Variants in MATN2 observed in about 807,000 individuals in gnomAD.
MATN2 encodes matrilin 2, also known as matrilin-2.
In MATN2, 69 loss-of-function variants were observed where a neutral mutation model predicts 103.2. The observed-to-expected ratio is 0.67, with a 90% CI of 0.55 to 0.82. The LOEUF (loss-of-function observed/expected upper bound fraction) is 0.82. MATN2 is among the 40% of genes least tolerant of loss of function. The pLI, the probability that MATN2 is intolerant of heterozygous loss-of-function variation, is 0.00. For missense variants in MATN2, 1,023 were observed against 1,211.5 expected (o/e 0.84, Z 2.31); for synonymous variants, 429 against 450.2 (o/e 0.95, Z 0.60).
chr8:97,871,534 G>A (rs901377017), intron 1 of MATN2, among the ~76,000 whole-genome samples: 1 of 152,340 alleles, frequency 6.6e-6, no homozygotes, highest in East Asian at 1.9e-4. Flanking sequence ...GTCCCTTCCA[G>A]GGATTCCCCG....
In MATN2 at chr8:97,939,888, A is replaced by G. The variant is rs1053044730; in HGVS notation, c.713-1889A>G. ...AGATTCCATGAAATACAGTACATGT[A>G]TCAACATTGATAGAATCTGTGATTA... On this transcript the variant is annotated intron_variant, in intron 3 of 18. Coordinates refer to ENST00000254898, the MANE Select transcript of MATN2 (RefSeq NM_002380.5). 2.0e-5 allele frequency among the ~76,000 whole-genome samples: 3 copies of G among 152,346 alleles called. No homozygotes were observed. The East Asian group carries it at 5.8e-4, about 29-fold the overall frequency.
At chr8:97,886,904 CT>C (rs1225564343) in intron 1 of MATN2, among the ~76,000 whole-genome samples, 426 of 143,506 alleles carry the variant, frequency 3.0e-3, no homozygotes, top group Non-Finnish European at 3.1e-3. Context: ...TTTGTTTTAC[CT>C]TTTTTTTTTT....
At chr8:98,028,072 C>T (rs576192030) in intron 14 of MATN2, among the ~76,000 whole-genome samples, 1 of 152,268 alleles carries the variant, frequency 6.6e-6, no homozygotes, top group East Asian at 1.9e-4. Context: ...TGACCACAGG[C>T]GGGTATCCTC....
chr8:97,898,911 G>C (rs1818899344), intron 2 of MATN2, among the ~76,000 whole-genome samples: 1 of 102,688 alleles, frequency 9.7e-6, no homozygotes, highest in African/African-American at 2.9e-5. Flanking sequence ...ACCATATCCA[G>C]CAATTTTTTT....
intron 2 of MATN2, among the ~76,000 whole-genome samples, chr8:97,928,386 C>G (rs1055471781): frequency 6.6e-6 from 1 of 152,064 alleles, no homozygotes; most frequent in African/African-American, 2.4e-5. Flanking sequence ...GCCACCATGC[C>G]TGACTAATTT....
At chr8:97,941,512 T>C (rs899314093) in intron 3 of MATN2, among the ~76,000 whole-genome samples, 7 of 152,012 alleles carry the variant, frequency 4.6e-5, no homozygotes, top group African/African-American at 1.4e-4. Context: ...AATTTCTTGC[T>C]TTTTTTTGTA....
intron 1 of MATN2, among the ~76,000 whole-genome samples, chr8:97,878,360 C>T (rs1030095604): frequency 2.0e-5 from 3 of 151,940 alleles, no homozygotes; most frequent in African/African-American, 7.3e-5. Context: ...CCCAGGAGCT[C>T]ACGGCCAGCT....
At chr8:97,965,650 A>C (rs1811454707) in intron 5 of MATN2, among the ~76,000 whole-genome samples, 1 of 151,774 alleles carries the variant, frequency 6.6e-6, no homozygotes, top group Admixed American at 6.6e-5. Context: ...CCTGGGCAAC[A>C]TAGTGAGACC....
At chr8:98,031,057 C>A (rs1311978064) in intron 15 of MATN2, among the ~76,000 whole-genome samples, 1 of 152,172 alleles carries the variant, frequency 6.6e-6, no homozygotes. Flanking sequence ...AAAAGAAGGG[C>A]TGGGCACCAT....
chr8:97,923,475 A>G (rs1809880738), intron 2 of MATN2, among the ~76,000 whole-genome samples: 1 of 151,818 alleles, frequency 6.6e-6, no homozygotes, highest in Non-Finnish European at 1.5e-5. Context: ...ATCATCCTTT[A>G]ATAGCTTTGA....
chr8:97,915,577 G>A (rs939743697), intron 2 of MATN2, among the ~76,000 whole-genome samples: 1 of 152,138 alleles, frequency 6.6e-6, no homozygotes, highest in Non-Finnish European at 1.5e-5. Flanking sequence ...CCAGGGAAAG[G>A]CCCTGAGGCG....
rs771380266 is a variant in MATN2, at chr8:98,032,433, CCTT to C, written c.2581+117_2581+119del. 22 of 729,816 alleles carry C rather than the reference CCTT, an allele frequency of 3.0e-5. No individual in the cohort carries two copies. In the South Asian group the frequency reaches 3.8e-4, roughly 12 times the overall value. 45.2% of individuals were successfully genotyped at this position (729,816 alleles called of 1,614,324 possible). A position where few individuals can be genotyped will look rare whatever the true frequency, so the allele number is the denominator to read the frequency against. Reference sequence around the variant, plus strand: ...TATGTTCAAATTATGATAATGAAGGCCTTTTTTCCCTCAAAAAGATAGTTAACA... The same window carrying C: ...TATGTTCAAATTATGATAATGAAGGCTTTTCCCTCAAAAAGATAGTTAACA... On this transcript the variant is annotated intron_variant, in intron 16 of 18. Transcript: ENST00000254898.
chr8:97,915,629 A>C (rs966548463), intron 2 of MATN2, among the ~76,000 whole-genome samples: 4 of 152,304 alleles, frequency 2.6e-5, no homozygotes, highest in Admixed American at 2.6e-4. Context: ...CCTCTCTTGC[A>C]GCCCAGCCCT....
At position 98,036,378 on chromosome 8, in the gene MATN2, T is replaced by A. The variant is rs1180734948; in HGVS notation, c.*666T>A. ...CACCCATCAGCTTAGCAAAAATGAGTATATTTTTTAACAAGTGTTGGTAAG... is the reference window on the plus strand; with the variant it reads ...CACCCATCAGCTTAGCAAAAATGAGAATATTTTTTAACAAGTGTTGGTAAG... On this transcript the variant is annotated 3_prime_UTR_variant, in exon 19 of 19. Coordinates refer to ENST00000254898, the MANE Select transcript of MATN2 (RefSeq NM_002380.5). The A allele has an allele frequency of 6.6e-6, 1 of 152,096 alleles. No homozygotes were observed. Among genetic ancestry groups the A allele is most frequent in the Non-Finnish European group, 1.5e-5 (1 of 68,028 alleles). 9.4% of individuals were successfully genotyped at this position (152,096 alleles called of 1,614,324 possible).
intron 1 of MATN2, among the ~76,000 whole-genome samples, chr8:97,874,666 T>G (rs562502309): frequency 2.6e-5 from 4 of 151,990 alleles, no homozygotes; most frequent in Non-Finnish European, 5.9e-5. Context: ...CCTCCTGCCT[T>G]GGTTTCCCAA....
chr8:98,000,596 C>CAAAAAAAAAAAAAAAAAAAA (rs67682756), intron 7 of MATN2, among the ~76,000 whole-genome samples: 28 of 49,620 alleles, frequency 5.6e-4, no homozygotes, highest in South Asian at 1.0e-3. Context: ...GACTCCGTCT[C>CAAAAAAAAAAAAAAAAAAAA]AAAAAAAAAA....
chr8:97,989,548 ATACT>A (rs991290358), intron 6 of MATN2, among the ~76,000 whole-genome samples: 6 of 152,176 alleles, frequency 3.9e-5, no homozygotes, highest in African/African-American at 1.4e-4. Context: ...AGCTAACATC[ATACT>A]TAATAGTGAA....
chr8:97,896,969 G>A (rs1249481968), intron 2 of MATN2, among the ~76,000 whole-genome samples: 1 of 151,526 alleles, frequency 6.6e-6, no homozygotes. Flanking sequence ...ATTGGGATAT[G>A]GCAACATGAC....
intron 2 of MATN2, among the ~76,000 whole-genome samples, chr8:97,898,257 G>A (rs1035510832): frequency 6.6e-6 from 1 of 152,178 alleles, no homozygotes; most frequent in African/African-American, 2.4e-5. Flanking sequence ...TAAGGAGCCA[G>A]TCCTGTCCTT....
Sources: allele counts gnomAD v4.1 joint callset (sites outside exome capture counted in the v4.1 genomes callset), GRCh38; gene constraint gnomAD v4.1.1; transcripts MANE v1.5; gene names NCBI Gene and HGNC (gene_info 2026-07-23, HGNC 2026-07-21).